CCSER1: variants seen among roughly 807,000 people sequenced by gnomAD.
CCSER1 encodes coiled-coil serine rich protein 1.
CCSER1 carries 41 observed loss-of-function variants against 82.0 expected under a neutral mutation model. That is an observed-to-expected ratio of 0.50 (90% CI 0.39 to 0.65). CCSER1 has a LOEUF of 0.65. CCSER1 is among the 30% of genes least tolerant of loss of function. The probability of loss-of-function intolerance (pLI) is 0.00; values close to 1 mark genes in which losing one functional copy is unlikely to be tolerated. For missense variants in CCSER1, 1,119 were observed against 1,064.2 expected (o/e 1.05, Z -0.72); for synonymous variants, 414 against 383.9 (o/e 1.08, Z -0.92).
intron 1 of CCSER1, among the ~76,000 whole-genome samples, chr4:90,180,317 G>A (rs1037080780): frequency 6.6e-6 from 1 of 151,898 alleles, no homozygotes; most frequent in Non-Finnish European, 1.5e-5. Context: ...GGCCAGATGC[G>A]GTGCCTCACG....
At chr4:90,980,631 C>G (rs916303038) in intron 9 of CCSER1, among the ~76,000 whole-genome samples, 2 of 151,554 alleles carry the variant, frequency 1.3e-5, no homozygotes, top group African/African-American at 4.8e-5. Flanking sequence ...ACTGAGCTAA[C>G]AGGATTTGCT....
intron 10 of CCSER1, among the ~76,000 whole-genome samples, chr4:91,220,818 AT>A (rs1341232975): frequency 6.6e-6 from 1 of 152,218 alleles, no homozygotes; most frequent in African/African-American, 2.4e-5. Flanking sequence ...GATGATACAT[AT>A]GTTAATTTGC....
chr4:91,589,237 A>G (rs1368704114), intron 10 of CCSER1, among the ~76,000 whole-genome samples: 1 of 151,920 alleles, frequency 6.6e-6, no homozygotes, highest in Non-Finnish European at 1.5e-5. Context: ...AGGAGAGCAT[A>G]CAGAGTAAAA....
At chr4:91,520,323 G>C (rs924203035) in intron 10 of CCSER1, among the ~76,000 whole-genome samples, 4 of 142,906 alleles carry the variant, frequency 2.8e-5, no homozygotes, top group African/African-American at 1.1e-4. Context: ...TTTTTAATCA[G>C]TGTTGACCAG....
At chr4:90,834,819 C>T (rs912823319) in intron 8 of CCSER1, among the ~76,000 whole-genome samples, 1 of 151,988 alleles carries the variant, frequency 6.6e-6, no homozygotes, top group Non-Finnish European at 1.5e-5. Context: ...TGTGTAAGCA[C>T]GATCTTATTT....
intron 10 of CCSER1, among the ~76,000 whole-genome samples, chr4:91,237,887 T>C (rs1046275770): frequency 6.6e-6 from 1 of 152,206 alleles, no homozygotes; most frequent in East Asian, 1.9e-4. Flanking sequence ...GTGAATTTAT[T>C]TGAGAGCACT....
At chr4:90,985,352 A>G (rs1055488850) in intron 9 of CCSER1, among the ~76,000 whole-genome samples, 9 of 151,148 alleles carry the variant, frequency 6.0e-5, no homozygotes, top group African/African-American at 2.2e-4. Flanking sequence ...GAAAGCCATC[A>G]GATTTTTTTT....
intron 4 of CCSER1, among the ~76,000 whole-genome samples, chr4:90,419,958 C>A (rs1355070600): frequency 6.6e-6 from 1 of 151,778 alleles, no homozygotes; most frequent in Non-Finnish European, 1.5e-5. Context: ...TCCCCATATT[C>A]TTTCCCCAGG....
At chr4:90,434,438 A>G (rs1288379446) in intron 4 of CCSER1, among the ~76,000 whole-genome samples, 2 of 152,186 alleles carry the variant, frequency 1.3e-5, no homozygotes, top group Non-Finnish European at 2.9e-5. Context: ...TTCCAGGCTT[A>G]TAGCCTCACA....
intron 10 of CCSER1, among the ~76,000 whole-genome samples, chr4:91,120,293 A>G (rs905689396): frequency 2.0e-5 from 3 of 152,046 alleles, no homozygotes; most frequent in Admixed American, 2.0e-4. Flanking sequence ...GCTGTGGTTT[A>G]TGGAAGTAAT....
intron 10 of CCSER1, among the ~76,000 whole-genome samples, chr4:91,346,165 C>T (rs1748042422): frequency 6.6e-6 from 1 of 151,740 alleles, no homozygotes; most frequent in Non-Finnish European, 1.5e-5. Flanking sequence ...TACAGGCGCT[C>T]ACCACCACAC....
At position 91,536,193 on chromosome 4, in the gene CCSER1, A is replaced by G. The variant is rs189819663; in HGVS notation, c.2218-62379A>G. ...GAATAAATACTTCCATGAGAAATGTATACCTACTCATGCATAACACAAAAC... is the reference window on the plus strand; with the variant it reads ...GAATAAATACTTCCATGAGAAATGTGTACCTACTCATGCATAACACAAAAC... On this transcript the variant is annotated intron_variant, in intron 10 of 10. Coordinates refer to ENST00000509176, the MANE Select transcript of CCSER1 (RefSeq NM_001145065.2). 1.9e-3 allele frequency among the ~76,000 whole-genome samples: 294 copies of G among 152,280 alleles called. 1 individual carries two copies. The highest frequency in any genetic ancestry group is 3.4e-3 in the Middle Eastern group (1 of 294).
chr4:90,426,821 A>T (rs910184989), intron 4 of CCSER1, among the ~76,000 whole-genome samples: 2 of 152,120 alleles, frequency 1.3e-5, no homozygotes, highest in African/African-American at 4.8e-5. Context: ...AGCTCTATGA[A>T]TTGGGAGCTG....
At chr4:91,555,089 G>C (rs991640652) in intron 10 of CCSER1, among the ~76,000 whole-genome samples, 1 of 151,104 alleles carries the variant, frequency 6.6e-6, no homozygotes, top group Non-Finnish European at 1.5e-5. Flanking sequence ...ATTGCTAAAA[G>C]AAAATATATG....
chr4:90,816,141 T>C (rs1200965435), intron 8 of CCSER1, among the ~76,000 whole-genome samples: 1 of 152,228 alleles, frequency 6.6e-6, no homozygotes, highest in Non-Finnish European at 1.5e-5. Context: ...TTAGGCCACA[T>C]TGTTTTTGTA....
intron 10 of CCSER1, among the ~76,000 whole-genome samples, chr4:91,482,266 G>T (rs1332079066): frequency 1.8e-5 from 2 of 111,498 alleles, no homozygotes; most frequent in Admixed American, 9.0e-5. Context: ...GCCGGGCGCG[G>T]TGGCAGGCAC....
chr4:91,424,102 C>T (rs1446181176), intron 10 of CCSER1, among the ~76,000 whole-genome samples: 1 of 146,288 alleles, frequency 6.8e-6, no homozygotes, highest in African/African-American at 2.5e-5. Context: ...CTGCAAGCTC[C>T]GCTTCCCGGG....
intron 6 of CCSER1, among the ~76,000 whole-genome samples, chr4:90,704,086 T>A (rs368065045): frequency 6.6e-6 from 1 of 152,226 alleles, no homozygotes; most frequent in Admixed American, 6.5e-5. Flanking sequence ...CTTTACCATT[T>A]GGCATGTTTT....
chr4:90,325,294 CTTAT>C (rs1474030924), intron 3 of CCSER1, among the ~76,000 whole-genome samples: 1 of 152,054 alleles, frequency 6.6e-6, no homozygotes, highest in Admixed American at 6.6e-5. Context: ...ATAAACTGTA[CTTAT>C]TTATTAAGAA....
Sources: allele counts gnomAD v4.1 joint callset (sites outside exome capture counted in the v4.1 genomes callset), GRCh38; gene constraint gnomAD v4.1.1; transcripts MANE v1.5; gene names NCBI Gene and HGNC (gene_info 2026-07-23, HGNC 2026-07-21).